Variants in MRC1 observed in about 807,000 individuals in gnomAD.
MRC1 encodes mannose receptor C-type 1.
A neutral mutation model predicts 102.9 loss-of-function variants in MRC1; 62 were observed. The ratio of observed to expected loss-of-function variants is 0.60; its 90% CI spans 0.49 to 0.74. MRC1 has a LOEUF of 0.74. MRC1 is among the 30% of genes least tolerant of loss of function. The pLI is 0.00. For synonymous variants in MRC1, 457 were observed against 298.4 expected, an observed-to-expected ratio of 1.53 and a Z score of -5.48; for missense variants, 1,237 against 862.8, an observed-to-expected ratio of 1.43 and a Z score of -5.43.
intron 7 of MRC1, among the ~76,000 whole-genome samples, chr10:17,852,750 C>G (rs1838935525): frequency 6.6e-6 from 1 of 152,206 alleles, no homozygotes; most frequent in African/African-American, 2.4e-5. Flanking sequence ...AAAGGGTACA[C>G]TACACAGCCT....
intron 1 of MRC1, among the ~76,000 whole-genome samples, chr10:17,820,085 A>C (rs1838373047): frequency 6.6e-6 from 1 of 152,148 alleles, no homozygotes; most frequent in African/African-American, 2.4e-5. Flanking sequence ...ACCCACGCTG[A>C]GGAGGGTGAG....
intron 26 of MRC1, among the ~76,000 whole-genome samples, chr10:17,906,498 C>G (rs1833897805): frequency 6.6e-6 from 1 of 152,140 alleles, no homozygotes; most frequent in Non-Finnish European, 1.5e-5. Context: ...CCTCTATCCT[C>G]CCTTTTATCT....
intron 1 of MRC1, among the ~76,000 whole-genome samples, chr10:17,811,743 ATTTTTTTTAT>A (rs1247331044): frequency 2.6e-5 from 4 of 151,304 alleles, no homozygotes; most frequent in Non-Finnish European, 5.9e-5. Context: ...CTAATTTTTA[ATTTTTTTTAT>A]TTTTTTTTAT....
chr10:17,895,478 C>T (rs914811107), intron 23 of MRC1, among the ~76,000 whole-genome samples: 99 of 151,688 alleles, frequency 6.5e-4, no homozygotes, highest in African/African-American at 2.3e-3. Context: ...AATAGGAATA[C>T]CTCCCTTTAA....
chr10:17,894,251 A>G lies in MRC1; in HGVS notation c.3189A>G (p.Ala1063=). Residue 1063 remains alanine (A), a synonymous_variant, in exon 23 of 30, where the codon GCA becomes GCG. Transcript: ENST00000569591. ...TTATTGGAGGTGCATCAAATGAAGC[A>G]GGAAAATGGATGGATGATACCTGCG... The part of the protein sequence containing the change: ...VVIIGGASNE[A]GKWMDDTCDS... 2 of 872,738 alleles carry G rather than the reference A, an allele frequency of 2.3e-6. No homozygotes were observed. The highest frequency in any genetic ancestry group is 2.4e-5 in the East Asian group (1 of 41,702). The allele number at this position is 872,738 out of a possible 1,614,324, so 54.1% of individuals were successfully genotyped here.
chr10:17,877,306 AAT>A (rs1434217065), intron 17 of MRC1, among the ~76,000 whole-genome samples: 1 of 148,110 alleles, frequency 6.8e-6, no homozygotes, highest in Non-Finnish European at 1.5e-5. Context: ...ACATGAAATA[AAT>A]ATATGATATA....
At chr10:17,845,187 T>C in intron 5 of MRC1, 102 bp from the exon 6 acceptor site, 1 of 780,098 alleles carries the variant, frequency 1.3e-6, no homozygotes, top group Non-Finnish European at 2.4e-6. Flanking sequence ...AGAATGGTGG[T>C]CCATTGAATC....
rs1833828826 is a variant in MRC1 at position 17,901,500 on chromosome 10, C to G, written c.3650-473C>G. 2.6e-5 allele frequency among the ~76,000 whole-genome samples: 4 copies of G among 152,042 alleles called. 1 individual carries two copies. The highest frequency in any genetic ancestry group is 2.0e-4 in the Admixed American group (3 of 15,272). On this transcript the variant is annotated intron_variant, in intron 25 of 29. Coordinates refer to ENST00000569591, the MANE Select transcript of MRC1 (RefSeq NM_002438.4). ...GGTCAGGAGGTTGAGACCAGCTTGG[C>G]CAACATGGTGAAACCCCTTCTCTAC...
At chr10:17,844,056 A>C (rs1838789612) in intron 5 of MRC1, among the ~76,000 whole-genome samples, 1 of 152,146 alleles carries the variant, frequency 6.6e-6, no homozygotes, top group Non-Finnish European at 1.5e-5. Context: ...AGCAACGTTG[A>C]CTTTATCTGG....
intron 5 of MRC1, among the ~76,000 whole-genome samples, chr10:17,844,170 A>G (rs899863658): frequency 1.3e-5 from 2 of 152,120 alleles, no homozygotes; most frequent in Admixed American, 1.3e-4. Context: ...TTCTGGGAGC[A>G]CAGCATGCTG....
chr10:17,895,778 C>G (rs986338792), intron 23 of MRC1, among the ~76,000 whole-genome samples: 10 of 152,160 alleles, frequency 6.6e-5, no homozygotes, highest in Non-Finnish European at 1.2e-4. Context: ...TGGCTTCACC[C>G]AGGAAGGAAT....
Position 17,863,515 on chromosome 10 carries a change from T to C in MRC1, c.1635-19T>C, listed in dbSNP as rs1224374260. 2 of 780,262 alleles carry C rather than the reference T, an allele frequency of 2.6e-6. No homozygotes were observed. Among genetic ancestry groups the C allele is most frequent in the Admixed American group, 3.4e-5 (2 of 58,930 alleles). The allele number at this position is 780,262 out of a possible 1,614,324, so 48.3% of individuals were successfully genotyped here. A position where few individuals can be genotyped will look rare whatever the true frequency, so the allele number is the denominator to read the frequency against. ...AATGTTTCAAAAACTTAATTGAATG[T>C]TAATTCTTCTTTTTAAAGATATGAA... is the stretch of plus-strand genomic sequence containing the variant. On this transcript the variant is annotated intron_variant, in intron 10 of 29. Transcript: ENST00000569591.
At position 17,813,700 on chromosome 10, in the gene MRC1, AT is replaced by A. The variant is rs1168166887; in HGVS notation, c.61+4189del. 4.1e-3 allele frequency among the ~76,000 whole-genome samples: 510 copies of A among 125,656 alleles called. 1 individual carries two copies. Among genetic ancestry groups the A allele is most frequent in the African/African-American group, 0.01 (308 of 29,460 alleles). 82.4% of individuals were successfully genotyped at this position (125,656 alleles called of 152,430 possible). A position where few individuals can be genotyped will look rare whatever the true frequency, so the allele number is the denominator to read the frequency against. ...ACACACATTATATATATATATATATATTTTTTTTTTTTTTTGAGACAGGGTC... is the reference window on the plus strand; with the variant it reads ...ACACACATTATATATATATATATATATTTTTTTTTTTTTTGAGACAGGGTC... On this transcript the variant is annotated intron_variant, in intron 1 of 29. Coordinates refer to ENST00000569591, the MANE Select transcript of MRC1 (RefSeq NM_002438.4).
intron 6 of MRC1, among the ~76,000 whole-genome samples, chr10:17,846,436 C>T (rs1838827165): frequency 6.6e-6 from 1 of 152,098 alleles, no homozygotes; most frequent in Non-Finnish European, 1.5e-5. Context: ...GACAATGTGG[C>T]ATTCTTGTTT....
chr10:17,810,719 A>G (rs1838208273), intron 1 of MRC1, among the ~76,000 whole-genome samples: 1 of 152,250 alleles, frequency 6.6e-6, no homozygotes, highest in African/African-American at 2.4e-5. Flanking sequence ...TAAGTGCCTT[A>G]TAAGTGTTAG....
At chr10:17,836,739 G>A (rs1480940810) in intron 4 of MRC1, among the ~76,000 whole-genome samples, 10 of 152,190 alleles carry the variant, frequency 6.6e-5, no homozygotes, top group African/African-American at 2.2e-4. Context: ...GGGAGGCTGA[G>A]GTAGGAGAAT....
chr10:17,819,449 TTGTATGTGTGTG>T (rs1207666565), intron 1 of MRC1, among the ~76,000 whole-genome samples: 1,031 of 99,052 alleles, frequency 0.01, 18 homozygotes, highest in African/African-American at 0.043. Context: ...GAATTCAGAG[TTGTATGTGTGTG>T]TGTGTGTGTG....
chr10:17,848,391 C>T (rs1034970387), intron 6 of MRC1, among the ~76,000 whole-genome samples: 4 of 152,158 alleles, frequency 2.6e-5, no homozygotes, highest in Non-Finnish European at 5.9e-5. Flanking sequence ...ATGTACCAGG[C>T]CCTGTGCCAG....
At chr10:17,822,812 G>A (rs1838416139) in intron 1 of MRC1, among the ~76,000 whole-genome samples, 1 of 152,274 alleles carries the variant, frequency 6.6e-6, no homozygotes, top group African/African-American at 2.4e-5. Context: ...ACTCCTCACA[G>A]TGAACTAGGA....
Sources: allele counts gnomAD v4.1 joint callset (sites outside exome capture counted in the v4.1 genomes callset), GRCh38; gene constraint gnomAD v4.1.1; transcripts MANE v1.5; gene names NCBI Gene and HGNC (gene_info 2026-07-23, HGNC 2026-07-21).